The following MYO1D variants were observed in gnomAD, a reference collection of about 807,000 sequenced individuals.
MYO1D encodes the protein unconventional myosin-Id.
A neutral mutation model predicts 122.0 loss-of-function variants in MYO1D; 83 were observed. That is an observed-to-expected ratio of 0.68 (90% CI 0.57 to 0.82). MYO1D has a LOEUF of 0.82. Ranked by LOEUF, MYO1D falls within the 40% of genes least tolerant of loss-of-function variation. MYO1D has a pLI of 0.00. For missense variants in MYO1D, 1,157 were observed against 1,269.5 expected (o/e 0.91, Z 1.35); for synonymous variants, 464 against 446.9 (o/e 1.04, Z -0.48).
intron 1 of MYO1D, among the ~76,000 whole-genome samples, chr17:32,799,689 GA>G (rs1350756717): frequency 6.7e-6 from 1 of 149,350 alleles, no homozygotes; most frequent in Non-Finnish European, 1.5e-5. Context: ...AGCAAAACCA[GA>G]CAAATGGGAT....
intron 8 of MYO1D, 130 bp from the exon 9 acceptor site, chr17:32,760,757 C>A: frequency 1.1e-6 from 1 of 945,286 alleles, no homozygotes. Context: ...CTCAGCAGAA[C>A]AAATGAAAAT....
chr17:32,577,688 A>T (rs2087291209), intron 21 of MYO1D, among the ~76,000 whole-genome samples: 1 of 152,026 alleles, frequency 6.6e-6, no homozygotes. Context: ...AAAATAGAGC[A>T]TAAATAAGAA....
intron 20 of MYO1D, among the ~76,000 whole-genome samples, chr17:32,608,927 C>T (rs981062129): frequency 5.3e-5 from 8 of 152,224 alleles, no homozygotes; most frequent in South Asian, 4.2e-4. Context: ...GCCTGTGTGA[C>T]GCCATTTATA....
At chr17:32,560,555 A>C (rs1246706936) in intron 21 of MYO1D, among the ~76,000 whole-genome samples, 12 of 126,122 alleles carry the variant, frequency 9.5e-5, no homozygotes, top group African/African-American at 2.6e-4. Flanking sequence ...ATATATATAT[A>C]TATATATATA....
At chr17:32,575,621 C>T (rs930090839) in intron 21 of MYO1D, among the ~76,000 whole-genome samples, 2 of 152,208 alleles carry the variant, frequency 1.3e-5, no homozygotes, top group South Asian at 2.1e-4. Flanking sequence ...CAGCGAATCC[C>T]ATGGACTTCA....
chr17:32,496,085 T>C (rs1290682046), intron 21 of MYO1D: 3 of 152,444 alleles, frequency 2.0e-5, no homozygotes, highest in Admixed American at 2.0e-4. Context: ...CACCAGGCCA[T>C]GAGCACGTGA....
chr17:32,542,111 C>T (rs1910853554), intron 21 of MYO1D, among the ~76,000 whole-genome samples: 2 of 152,144 alleles, frequency 1.3e-5, no homozygotes, highest in African/African-American at 4.8e-5. Context: ...CAGCACTTAC[C>T]CTTCTCAGAG....
At chr17:32,799,817 A>C (rs2090445992) in intron 1 of MYO1D, among the ~76,000 whole-genome samples, 1 of 152,180 alleles carries the variant, frequency 6.6e-6, no homozygotes, top group Non-Finnish European at 1.5e-5. Flanking sequence ...GCTAATATCC[A>C]TAATATATAA....
chr17:32,843,823 T>C (rs1284494750), intron 1 of MYO1D, among the ~76,000 whole-genome samples: 3 of 152,184 alleles, frequency 2.0e-5, no homozygotes, highest in African/African-American at 7.2e-5. Context: ...CAAATGAATA[T>C]GGCAATACCC....
chr17:32,575,194 C>G (rs2087267698), intron 21 of MYO1D, among the ~76,000 whole-genome samples: 1 of 152,108 alleles, frequency 6.6e-6, no homozygotes, highest in South Asian at 2.1e-4. Flanking sequence ...TAGAGTAAAA[C>G]TCAAATTATT....
rs530879525 is a variant in MYO1D at position 32,494,940 on chromosome 17, G to A, written c.2865-25C>T. 7.1e-5 allele frequency: 112 copies of A among 1,574,036 alleles called. No individual in the cohort carries two copies. The South Asian group carries it at 1.1e-3, about 16-fold the overall frequency. ...ACTGCAGGAACCAAAAACACCAGAC[G>A]GGCAGTTAGCAGGCAGCATGAGAAC... On this transcript the variant is annotated intron_variant, in intron 21 of 21. Coordinates refer to ENST00000318217, the MANE Select transcript of MYO1D (RefSeq NM_015194.3).
chr17:32,577,839 T>C (rs1367000496), intron 21 of MYO1D, among the ~76,000 whole-genome samples: 1 of 151,980 alleles, frequency 6.6e-6, no homozygotes, highest in African/African-American at 2.4e-5. Flanking sequence ...CCTGGGTTTA[T>C]GCCATTCTCC....
At chr17:32,643,732 T>C (rs2150943185) in intron 19 of MYO1D, among the ~76,000 whole-genome samples, 1 of 152,346 alleles carries the variant, frequency 6.6e-6, no homozygotes. Flanking sequence ...TATTCTCTGA[T>C]GGTAGTTTGT....
intron 1 of MYO1D, among the ~76,000 whole-genome samples, chr17:32,843,414 C>A (rs2090903681): frequency 1.3e-5 from 2 of 152,278 alleles, no homozygotes; most frequent in Admixed American, 6.5e-5. Flanking sequence ...TGTGCTTATA[C>A]AAAATGTATT....
intron 21 of MYO1D, among the ~76,000 whole-genome samples, chr17:32,554,273 C>A (rs1307313416): frequency 6.6e-6 from 1 of 151,360 alleles, no homozygotes; most frequent in Non-Finnish European, 1.5e-5. Flanking sequence ...GATGGGTGTA[C>A]TCTGTACAAT....
At chr17:32,501,008 C>CAA (rs548406349) in intron 21 of MYO1D, among the ~76,000 whole-genome samples, 28 of 94,400 alleles carry the variant, frequency 3.0e-4, no homozygotes, top group African/African-American at 9.2e-4. Flanking sequence ...GACTCCATCT[C>CAA]AAAAAAAAAA....
At chr17:32,640,509 T>C (rs919884508) in intron 19 of MYO1D, among the ~76,000 whole-genome samples, 42 of 123,230 alleles carry the variant, frequency 3.4e-4, no homozygotes, top group African/African-American at 1.3e-3. Context: ...CAGAGTGTGA[T>C]GTTCCCCTTC....
At chr17:32,662,423 G>C (rs561997039) in intron 16 of MYO1D, among the ~76,000 whole-genome samples, 1 of 152,062 alleles carries the variant, frequency 6.6e-6, no homozygotes, top group Non-Finnish European at 1.5e-5. Flanking sequence ...CTGTAATCTC[G>C]GCACTTTGGG....
intron 21 of MYO1D, among the ~76,000 whole-genome samples, chr17:32,501,414 G>A (rs551813940): frequency 6.6e-6 from 1 of 152,176 alleles, no homozygotes; most frequent in African/African-American, 2.4e-5. Context: ...CCTCATTCCC[G>A]AGGGGGTCCT....
Sources: gnomAD v4.1 joint callset for allele counts (sites outside exome capture counted in the v4.1 genomes callset) on GRCh38, gnomAD v4.1.1 for gene constraint, MANE v1.5 for transcripts, NCBI Gene and HGNC (gene_info 2026-07-23, HGNC 2026-07-21) for gene names.